The following SUCLG2 variants were observed in gnomAD, a reference collection of about 807,000 sequenced individuals.
SUCLG2 encodes the protein succinate--CoA ligase [GDP-forming] subunit beta, mitochondrial.
A neutral mutation model predicts 47.9 loss-of-function variants in SUCLG2; 42 were observed. The observed-to-expected ratio is 0.88, with a 90% CI of 0.69 to 1.14. SUCLG2 has a LOEUF of 1.14. Among genes scored for constraint, SUCLG2 ranks in the 50% most tolerant of loss-of-function variants. SUCLG2 has a pLI of 0.00. For missense variants in SUCLG2, 571 were observed against 525.9 expected (o/e 1.09, Z -0.84); for synonymous variants, 195 against 197.3 (o/e 0.99, Z 0.10).
At position 67,606,842 on chromosome 3, in the gene SUCLG2, A is replaced by G. The variant is rs182395221; in HGVS notation, c.226+2613T>C. ...GCCTGTCTTGCACAGCTGTGTCCAC[A>G]GTGCCTAGTACATGGTTGACCCTCG... On this transcript the variant is annotated intron_variant, in intron 2 of 10. Transcript: ENST00000307227. Among the ~76,000 whole-genome samples the G allele has an allele frequency of 6.2e-4, 94 of 152,364 alleles. 2 individuals carry two copies. In the East Asian group the frequency reaches 0.014, roughly 23 times the overall value.
At chr3:67,561,053 C>A (rs1196660941) in intron 2 of SUCLG2, among the ~76,000 whole-genome samples, 1 of 146,962 alleles carries the variant, frequency 6.8e-6, no homozygotes, top group Admixed American at 6.9e-5. Flanking sequence ...TCTGACTCCA[C>A]AAGATGCTAA....
At chr3:67,612,514 CAA>C (rs1421090620) in intron 1 of SUCLG2, among the ~76,000 whole-genome samples, 1 of 152,054 alleles carries the variant, frequency 6.6e-6, no homozygotes, top group African/African-American at 2.4e-5. Flanking sequence ...ATAATAATAA[CAA>C]TAATAGTTCC....
intron 10 of SUCLG2, among the ~76,000 whole-genome samples, chr3:67,365,480 G>C (rs17806805): frequency 2.0e-5 from 3 of 152,142 alleles, no homozygotes; most frequent in Admixed American, 1.3e-4. Flanking sequence ...AGAGTGACTA[G>C]TTATGACTTC....
intron 9 of SUCLG2, among the ~76,000 whole-genome samples, chr3:67,474,815 G>C (rs548219329): frequency 1.3e-5 from 2 of 152,190 alleles, no homozygotes; most frequent in South Asian, 4.2e-4. Context: ...ATTTCTCTTA[G>C]GGAAGCCCTA....
At chr3:67,421,150 G>A (rs1703148295) in intron 9 of SUCLG2, among the ~76,000 whole-genome samples, 1 of 151,990 alleles carries the variant, frequency 6.6e-6, no homozygotes, top group Non-Finnish European at 1.5e-5. Flanking sequence ...ATTTCAATCT[G>A]GGCCCATCTG....
chr3:67,602,673 G>C (rs1013546866), intron 2 of SUCLG2, among the ~76,000 whole-genome samples: 8 of 152,126 alleles, frequency 5.3e-5, no homozygotes, highest in Admixed American at 2.6e-4. Context: ...TATAAATACA[G>C]TTAGGGAAAA....
chr3:67,457,338 A>C, intron 9 of SUCLG2, among the ~76,000 whole-genome samples: 1 of 152,238 alleles, frequency 6.6e-6, no homozygotes, highest in East Asian at 1.9e-4. Flanking sequence ...CTCTAAAGTG[A>C]TACATGGAAA....
chr3:67,604,648 C>T (rs975572276), intron 2 of SUCLG2, among the ~76,000 whole-genome samples: 2 of 107,656 alleles, frequency 1.9e-5, no homozygotes, highest in East Asian at 2.6e-4. Context: ...AGTAGGGTGG[C>T]GAGAAGAAGA....
chr3:67,551,271 T>G (rs545441659), intron 2 of SUCLG2, among the ~76,000 whole-genome samples: 1 of 152,352 alleles, frequency 6.6e-6, no homozygotes, highest in South Asian at 2.1e-4. Context: ...AATGCTTTTA[T>G]GTGTAAAATG....
At chr3:67,548,621 C>T (rs1049319616) in intron 2 of SUCLG2, among the ~76,000 whole-genome samples, 2 of 152,126 alleles carry the variant, frequency 1.3e-5, no homozygotes, top group Non-Finnish European at 2.9e-5. Flanking sequence ...GTGTACCAAT[C>T]AATAAGTTTT....
intron 9 of SUCLG2, among the ~76,000 whole-genome samples, chr3:67,486,045 C>T (rs796088869): frequency 6.6e-6 from 1 of 152,118 alleles, no homozygotes; most frequent in Non-Finnish European, 1.5e-5. Flanking sequence ...GGCTAAGAGG[C>T]AGATCGCTTG....
intron 9 of SUCLG2, among the ~76,000 whole-genome samples, chr3:67,432,660 C>T (rs1703516806): frequency 1.3e-5 from 2 of 152,152 alleles, no homozygotes; most frequent in Admixed American, 1.3e-4. Context: ...CACATTCATC[C>T]AACATGGTGA....
At chr3:67,509,894 T>C (rs1705738905) in intron 6 of SUCLG2, among the ~76,000 whole-genome samples, 2 of 152,202 alleles carry the variant, frequency 1.3e-5, no homozygotes, top group African/African-American at 4.8e-5. Context: ...CAGGCTGAGT[T>C]TTCTAGGTTC....
chr3:67,605,003 T>C (rs1444049449), intron 2 of SUCLG2, among the ~76,000 whole-genome samples: 1 of 152,236 alleles, frequency 6.6e-6, no homozygotes, highest in Non-Finnish European at 1.5e-5. Flanking sequence ...CTCTGGTCTC[T>C]CTGTGAGTTA....
chr3:67,520,093 T>A (rs1052317714), intron 5 of SUCLG2, among the ~76,000 whole-genome samples: 15 of 152,186 alleles, frequency 9.9e-5, no homozygotes, highest in African/African-American at 3.4e-4. Flanking sequence ...TAAAAGAGAA[T>A]TCATTCATCT....
chr3:67,391,600 C>A (rs1702384381), intron 10 of SUCLG2, among the ~76,000 whole-genome samples: 1 of 152,186 alleles, frequency 6.6e-6, no homozygotes, highest in Admixed American at 6.5e-5. Context: ...ATCAAAAAGG[C>A]AGCCTCGGTA....
At chr3:67,500,161 T>C (rs1294244138) in intron 7 of SUCLG2, among the ~76,000 whole-genome samples, 2 of 152,216 alleles carry the variant, frequency 1.3e-5, no homozygotes, top group African/African-American at 4.8e-5. Context: ...CCACAGAACA[T>C]TTCTCACTCA....
intron 10 of SUCLG2, among the ~76,000 whole-genome samples, chr3:67,393,747 T>A (rs140470124): frequency 1.3e-5 from 2 of 152,132 alleles, no homozygotes; most frequent in Non-Finnish European, 2.9e-5. Flanking sequence ...CCCTGACCCC[T>A]GAGCAGCCTA....
At position 67,529,162 on chromosome 3, in the gene SUCLG2, G is replaced by A. The variant is rs1479909819; in HGVS notation, c.251C>T (p.Ala84Val). 4 of 1,611,794 alleles carry A rather than the reference G, an allele frequency of 2.5e-6. No homozygotes were observed. Among genetic ancestry groups the A allele is most frequent in the Non-Finnish European group, 3.4e-6 (4 of 1,179,364 alleles). The change falls in exon 3 of 11, where the codon GCC becomes GTC. Residue 84 changes from alanine to valine, a missense_variant. Ala to Val is a moderately conservative substitution (Grantham distance 64, BLOSUM62 0). Transcript: ENST00000307227. ...TCCTCTTCCTCCAGCTAAGATCTGG[G>A]CTTTTAAAACAATTTCTTTTGCATC... ...RLNAKEIVLK[A>V]QILAGGRGKG...
Sources: allele counts gnomAD v4.1 joint callset (sites outside exome capture counted in the v4.1 genomes callset), GRCh38; gene constraint gnomAD v4.1.1; transcripts MANE v1.5; gene names NCBI Gene and HGNC (gene_info 2026-07-23, HGNC 2026-07-21).